The following CTNNA3 variants were observed in gnomAD, a reference collection of about 807,000 sequenced individuals.
CTNNA3 encodes the protein catenin alpha-3.
In CTNNA3, 76 loss-of-function variants were observed where a neutral mutation model predicts 95.7. That is an observed-to-expected ratio of 0.79 (90% CI 0.66 to 0.96). The LOEUF (loss-of-function observed/expected upper bound fraction) is 0.96, where lower values mean the gene tolerates loss of function less well. CTNNA3 is among the 40% of genes least tolerant of loss of function. The pLI is 0.00. For synonymous variants in CTNNA3, 431 were observed against 374.4 expected (o/e 1.15, Z -1.74); for missense variants, 1,191 against 1,089.8 (o/e 1.09, Z -1.31).
At chr10:66,096,540 T>C (rs2081394889) in intron 14 of CTNNA3, among the ~76,000 whole-genome samples, 1 of 138,768 alleles carries the variant, frequency 7.2e-6, no homozygotes, top group South Asian at 2.3e-4. Flanking sequence ...TTTTTTTTTT[T>C]TAGGCAGTCT....
intron 7 of CTNNA3, among the ~76,000 whole-genome samples, chr10:67,131,708 T>C (rs1413223395): frequency 6.6e-6 from 1 of 152,010 alleles, no homozygotes; most frequent in African/African-American, 2.4e-5. Flanking sequence ...CAAAAATTAT[T>C]TAAAAATAAC....
intron 7 of CTNNA3, among the ~76,000 whole-genome samples, chr10:66,840,701 A>G (rs1843037805): frequency 6.6e-6 from 1 of 152,134 alleles, no homozygotes; most frequent in African/African-American, 2.4e-5. Context: ...CAAGGTCTGT[A>G]TATCAAAATA....
intron 7 of CTNNA3, among the ~76,000 whole-genome samples, chr10:66,840,372 T>TCTCACACA (rs1843023433): frequency 2.8e-5 from 2 of 71,378 alleles, no homozygotes; most frequent in African/African-American, 1.6e-4. Flanking sequence ...TCTCTCTCTC[T>TCTCACACA]CACACACACA....
At chr10:66,817,430 C>A (rs7095065) in intron 7 of CTNNA3, among the ~76,000 whole-genome samples, 16 of 151,508 alleles carry the variant, frequency 1.1e-4, no homozygotes, top group African/African-American at 3.9e-4. Flanking sequence ...GACTGGCCAA[C>A]AACAAAAAAG....
At chr10:66,450,275 G>T (rs1470384402) in intron 11 of CTNNA3, among the ~76,000 whole-genome samples, 1 of 152,010 alleles carries the variant, frequency 6.6e-6, no homozygotes, top group African/African-American at 2.4e-5. Context: ...AAGAGTTTTG[G>T]TATTTTTTCC....
At chr10:66,084,078 T>C (rs2080874601) in intron 14 of CTNNA3, among the ~76,000 whole-genome samples, 1 of 141,572 alleles carries the variant, frequency 7.1e-6, no homozygotes, top group South Asian at 2.2e-4. Flanking sequence ...GAGGTTGCGG[T>C]GAGCCAAGAT....
At chr10:67,350,504 AAACTT>A (rs1842589629) in intron 5 of CTNNA3, among the ~76,000 whole-genome samples, 1 of 151,862 alleles carries the variant, frequency 6.6e-6, no homozygotes, top group Non-Finnish European at 1.5e-5. Flanking sequence ...TACCAGCACT[AAACTT>A]AAGTTTTTAA....
At chr10:67,115,074 C>A (rs1859105546) in intron 7 of CTNNA3, among the ~76,000 whole-genome samples, 1 of 151,984 alleles carries the variant, frequency 6.6e-6, no homozygotes, top group African/African-American at 2.4e-5. Flanking sequence ...CAGATCATAT[C>A]TCTTGGAGCC....
chr10:67,523,948 T>C (rs1347973731), intron 4 of CTNNA3, among the ~76,000 whole-genome samples: 1 of 152,230 alleles, frequency 6.6e-6, no homozygotes, highest in Non-Finnish European at 1.5e-5. Flanking sequence ...CAAGCTATTT[T>C]ACTGACAAAT....
At chr10:66,742,838 T>A (rs187792157) in intron 9 of CTNNA3, among the ~76,000 whole-genome samples, 2 of 152,378 alleles carry the variant, frequency 1.3e-5, no homozygotes, top group East Asian at 3.9e-4. Flanking sequence ...TACCTGCTCA[T>A]GAGTCAGTAT....
At chr10:67,538,711 A>G (rs1840568078) in intron 4 of CTNNA3, among the ~76,000 whole-genome samples, 1 of 152,188 alleles carries the variant, frequency 6.6e-6, no homozygotes, top group Admixed American at 6.5e-5. Flanking sequence ...TTAATAGAGT[A>G]GTTATATTAA....
intron 17 of CTNNA3, among the ~76,000 whole-genome samples, chr10:65,964,377 C>G (rs935801143): frequency 6.6e-6 from 1 of 152,022 alleles, no homozygotes; most frequent in African/African-American, 2.4e-5. Flanking sequence ...GAGATGATGA[C>G]AGATAGTTTT....
At chr10:67,156,069 A>G (rs1861298367) in intron 7 of CTNNA3, among the ~76,000 whole-genome samples, 1 of 151,972 alleles carries the variant, frequency 6.6e-6, no homozygotes, top group Non-Finnish European at 1.5e-5. Flanking sequence ...GGGTTATCCA[A>G]TTTGTTAGTG....
rs997218416 is a variant in CTNNA3, at chr10:66,842,044, A to G, written c.1048-66520T>C. Among the ~76,000 whole-genome samples the G allele has an allele frequency of 6.6e-4, 100 of 151,774 alleles. 12 individuals are homozygous for G. Among genetic ancestry groups the G allele is most frequent in the African/African-American group, 4.8e-5 (2 of 41,296 alleles). On this transcript the variant is annotated intron_variant, in intron 7 of 17. Coordinates refer to ENST00000433211, the MANE Select transcript of CTNNA3 (RefSeq NM_013266.4). ...CTTCTTGGCTCAAGCAATCCTCCCA[A>G]CTCAGTTTCCCAAGTAGTTGGGACC...
intron 17 of CTNNA3, among the ~76,000 whole-genome samples, chr10:65,939,246 A>G (rs1228514418): frequency 6.6e-6 from 1 of 152,158 alleles, no homozygotes. Context: ...TAAATATTCA[A>G]TGTACATTTT....
intron 2 of CTNNA3, among the ~76,000 whole-genome samples, chr10:67,631,024 A>C (rs534559350): frequency 1.3e-3 from 192 of 152,318 alleles, no homozygotes; most frequent in African/African-American, 4.4e-3. Context: ...TACAACATAG[A>C]GATGTAAATT....
intron 7 of CTNNA3, among the ~76,000 whole-genome samples, chr10:67,078,185 T>C (rs1589705845): frequency 6.6e-6 from 1 of 152,284 alleles, no homozygotes; most frequent in East Asian, 1.9e-4. Context: ...CACTTTTAGG[T>C]TCTTTGCTTG....
chr10:66,101,724 A>G (rs1370185220), intron 14 of CTNNA3, among the ~76,000 whole-genome samples: 1 of 152,174 alleles, frequency 6.6e-6, no homozygotes, highest in African/African-American at 2.4e-5. Context: ...CAAACAAAAT[A>G]TTTTACATAA....
chr10:67,176,370 T>A (rs985928105), intron 7 of CTNNA3, among the ~76,000 whole-genome samples: 2 of 152,186 alleles, frequency 1.3e-5, no homozygotes, highest in Non-Finnish European at 2.9e-5. Flanking sequence ...CACTCTTTCA[T>A]CCAAAAATAC....
Sources: allele counts gnomAD v4.1 joint callset (sites outside exome capture counted in the v4.1 genomes callset), GRCh38; gene constraint gnomAD v4.1.1; transcripts MANE v1.5; gene names NCBI Gene and HGNC (gene_info 2026-07-23, HGNC 2026-07-21).